The following NRXN3 variants were observed in gnomAD, a reference collection of about 807,000 sequenced individuals.
The protein encoded by NRXN3 is neurexin 3.
NRXN3 carries 32 observed loss-of-function variants against 137.6 expected under a neutral mutation model. The ratio of observed to expected loss-of-function variants is 0.23; its 90% CI spans 0.18 to 0.31. NRXN3 has a LOEUF of 0.31. Ranked by LOEUF, NRXN3 falls within the 10% of genes least tolerant of loss-of-function variation. NRXN3 has a pLI of 1.00. For synonymous variants in NRXN3, 798 were observed against 784.5 expected (o/e 1.02, Z -0.29); for missense variants, 1,574 against 2,062.5 (o/e 0.76, Z 4.59).
At chr14:79,434,221 G>T (rs538825189) in intron 15 of NRXN3, among the ~76,000 whole-genome samples, 2 of 152,052 alleles carry the variant, frequency 1.3e-5, no homozygotes, top group African/African-American at 4.8e-5. Flanking sequence ...CTCTGGCACT[G>T]GTTACCCAAT....
chr14:79,525,060 C>T (rs2097105842), intron 16 of NRXN3, among the ~76,000 whole-genome samples: 1 of 152,054 alleles, frequency 6.6e-6, no homozygotes, highest in Non-Finnish European at 1.5e-5. Flanking sequence ...AGTTTTTACA[C>T]AGAAAGGCAG....
chr14:79,526,381 G>T (rs2097120816), intron 16 of NRXN3, among the ~76,000 whole-genome samples: 1 of 152,056 alleles, frequency 6.6e-6, no homozygotes, highest in Non-Finnish European at 1.5e-5. Context: ...TTTTTGCAGA[G>T]ATGTGATCTT....
rs115586808 is a variant in NRXN3, at chr14:78,264,888, G to A, written c.710-13757G>A. 6.5e-3 allele frequency among the ~76,000 whole-genome samples: 986 copies of A among 152,202 alleles called. 12 individuals carry two copies. Among genetic ancestry groups the A allele is most frequent in the African/African-American group, 0.022 (914 of 41,536 alleles). ...CCTGTTGCGGGGGCTTCCCTCTCTC[G>A]TCTTTGTTGTCTTGATGGTTGAAGG... On this transcript the variant is annotated intron_variant, in intron 2 of 20. Coordinates refer to ENST00000335750, the MANE Select transcript of NRXN3 (RefSeq NM_001330195.2).
chr14:78,293,083 T>G (rs530411189), intron 3 of NRXN3, among the ~76,000 whole-genome samples: 1 of 152,344 alleles, frequency 6.6e-6, no homozygotes, highest in African/African-American at 2.4e-5. Context: ...ATAATTTATG[T>G]TGGAAAGCCA....
chr14:78,347,036 G>A (rs1053681393), intron 4 of NRXN3, among the ~76,000 whole-genome samples: 2 of 152,148 alleles, frequency 1.3e-5, no homozygotes, highest in Admixed American at 6.5e-5. Context: ...ATTTGAATAA[G>A]TTATCAATGG....
chr14:79,836,465 G>GC (rs2099343991), intron 20 of NRXN3, among the ~76,000 whole-genome samples: 2 of 26,880 alleles, frequency 7.4e-5, no homozygotes, highest in Non-Finnish European at 1.8e-4. Flanking sequence ...CCACTATTCT[G>GC]GAAAAAAAAT....
intron 4 of NRXN3, among the ~76,000 whole-genome samples, chr14:78,324,184 CTG>C (rs2079754132): frequency 6.6e-6 from 1 of 152,066 alleles, no homozygotes; most frequent in East Asian, 1.9e-4. Flanking sequence ...GTCTTTTCAT[CTG>C]TATTATGGGG....
intron 15 of NRXN3, among the ~76,000 whole-genome samples, chr14:79,429,357 A>G (rs956390086): frequency 1.3e-5 from 2 of 152,202 alleles, no homozygotes; most frequent in African/African-American, 4.8e-5. Context: ...GTCATCAGTA[A>G]GAATGTGGCT....
intron 16 of NRXN3, among the ~76,000 whole-genome samples, chr14:79,549,283 T>C (rs114585153): frequency 1.3e-5 from 2 of 151,978 alleles, no homozygotes; most frequent in Non-Finnish European, 2.9e-5. Flanking sequence ...TTTGATGTAA[T>C]GGGAAGGGAG....
chr14:78,886,274 A>G (rs1345560598), intron 10 of NRXN3, among the ~76,000 whole-genome samples: 1 of 152,156 alleles, frequency 6.6e-6, no homozygotes, highest in Non-Finnish European at 1.5e-5. Context: ...CTAGTAAAGA[A>G]GCAATCAAAT....
intron 4 of NRXN3, among the ~76,000 whole-genome samples, chr14:78,603,657 C>T (rs1375075408): frequency 6.6e-6 from 1 of 152,158 alleles, no homozygotes; most frequent in African/African-American, 2.4e-5. Flanking sequence ...GTTCATTTTA[C>T]TGCTTGCTTC....
chr14:79,284,346 A>G (rs1274868069), intron 15 of NRXN3, among the ~76,000 whole-genome samples: 1 of 44,890 alleles, frequency 2.2e-5, no homozygotes, highest in Non-Finnish European at 4.2e-5. Flanking sequence ...AAAAATACAT[A>G]TATATATATA....
chr14:78,824,171 G>A (rs75730125), intron 10 of NRXN3, among the ~76,000 whole-genome samples: 1 of 137,474 alleles, frequency 7.3e-6, no homozygotes, highest in African/African-American at 2.6e-5. Flanking sequence ...CCTGGTTAAA[G>A]GTGAATAAGG....
At chr14:79,639,842 CTT>C (rs1221311435) in intron 16 of NRXN3, among the ~76,000 whole-genome samples, 1 of 152,154 alleles carries the variant, frequency 6.6e-6, no homozygotes, top group Non-Finnish European at 1.5e-5. Flanking sequence ...AGGCTGCTAA[CTT>C]TTGGCTTCTG....
At chr14:78,615,673 G>T (rs1025992093) in intron 4 of NRXN3, among the ~76,000 whole-genome samples, 1 of 152,008 alleles carries the variant, frequency 6.6e-6, no homozygotes, top group Non-Finnish European at 1.5e-5. Flanking sequence ...AGTGGCTCAG[G>T]CCTGTGATCC....
intron 10 of NRXN3, among the ~76,000 whole-genome samples, chr14:78,867,916 A>G (rs1596679189): frequency 6.6e-6 from 1 of 150,512 alleles, no homozygotes; most frequent in Non-Finnish European, 1.5e-5. Context: ...TTCTTTATGA[A>G]TGAATATAAA....
chr14:79,060,979 G>A (rs952334162), intron 15 of NRXN3, among the ~76,000 whole-genome samples: 8 of 152,080 alleles, frequency 5.3e-5, no homozygotes, highest in Non-Finnish European at 8.8e-5. Flanking sequence ...GGCCTTGTTG[G>A]TCTCTCTGTA....
chr14:78,220,500 A>C (rs1388736837), intron 1 of NRXN3, among the ~76,000 whole-genome samples: 2 of 152,156 alleles, frequency 1.3e-5, no homozygotes, highest in East Asian at 3.9e-4. Context: ...TGAGTCAGGG[A>C]CATGTGGGGG....
intron 4 of NRXN3, among the ~76,000 whole-genome samples, chr14:78,413,930 G>A (rs1343642213): frequency 1.3e-5 from 2 of 152,144 alleles, no homozygotes; most frequent in East Asian, 3.9e-4. Context: ...ATGGGGGCAG[G>A]TTTTTGCCAT....
Sources: gnomAD v4.1 joint callset for allele counts (sites outside exome capture counted in the v4.1 genomes callset) on GRCh38, gnomAD v4.1.1 for gene constraint, MANE v1.5 for transcripts, NCBI Gene and HGNC (gene_info 2026-07-23, HGNC 2026-07-21) for gene names.